GPM6A: variants seen among roughly 807,000 people sequenced by gnomAD.
GPM6A encodes glycoprotein M6A.
GPM6A carries 7 observed loss-of-function variants against 32.1 expected under a neutral mutation model. The observed-to-expected ratio is 0.22, with a 90% CI of 0.12 to 0.41. The LOEUF (loss-of-function observed/expected upper bound fraction) is 0.41. Ranked by LOEUF, GPM6A falls within the 10% of genes least tolerant of loss-of-function variation. GPM6A has a pLI of 1.00. For synonymous variants in GPM6A, 130 were observed against 123.4 expected (o/e 1.05, Z -0.35); for missense variants, 235 against 347.2 (o/e 0.68, Z 2.57).
chr4:175,718,640 C>T (rs1318183118), intron 1 of GPM6A, among the ~76,000 whole-genome samples: 1 of 151,422 alleles, frequency 6.6e-6, no homozygotes, highest in African/African-American at 2.4e-5. Flanking sequence ...GAAATATTTA[C>T]ATTACTACAA....
chr4:175,667,554 G>T (rs1205520978), intron 3 of GPM6A, among the ~76,000 whole-genome samples: 1 of 152,028 alleles, frequency 6.6e-6, no homozygotes, highest in Non-Finnish European at 1.5e-5. Flanking sequence ...AAGAAGCATG[G>T]ACTTTTAGTT....
At chr4:175,877,581 T>G (rs1398950595) in intron 1 of GPM6A, among the ~76,000 whole-genome samples, 1 of 152,138 alleles carries the variant, frequency 6.6e-6, no homozygotes, top group Non-Finnish European at 1.5e-5. Context: ...AACCATCAAA[T>G]GTTGTGAGAA....
intron 1 of GPM6A, among the ~76,000 whole-genome samples, chr4:175,709,727 CAA>C (rs559363193): frequency 2.5e-3 from 170 of 68,546 alleles, no homozygotes; most frequent in African/African-American, 5.7e-3. Flanking sequence ...GACTCCATCT[CAA>C]AAAAAAAAAA....
intron 1 of GPM6A, among the ~76,000 whole-genome samples, chr4:175,847,082 G>T (rs1736114320): frequency 6.6e-6 from 1 of 152,204 alleles, no homozygotes; most frequent in South Asian, 2.1e-4. Context: ...AAGTTACCAA[G>T]CCAAAAAAGT....
chr4:175,987,524 T>TTG (rs141045074), intron 1 of GPM6A, among the ~76,000 whole-genome samples: 29,648 of 148,168 alleles, frequency 0.2, 3,534 homozygotes, highest in African/African-American at 0.35. Flanking sequence ...TAAAGTGTGT[T>TTG]TGTGTGTGTG....
intron 1 of GPM6A, among the ~76,000 whole-genome samples, chr4:175,824,726 T>C (rs957608463): frequency 1.3e-5 from 2 of 152,164 alleles, no homozygotes; most frequent in Non-Finnish European, 2.9e-5. Context: ...TAACAAATAT[T>C]TGTGTGGTAT....
At chr4:175,763,734 G>A (rs1397254556) in intron 1 of GPM6A, among the ~76,000 whole-genome samples, 2 of 151,700 alleles carry the variant, frequency 1.3e-5, no homozygotes, top group African/African-American at 4.8e-5. Flanking sequence ...TCAGAAAACA[G>A]GCTTTTTTAA....
rs141535360 is a variant in GPM6A, at chr4:175,729,805, A to G, written c.38-28038T>C. On this transcript the variant is annotated intron_variant, in intron 1 of 6. Transcript: ENST00000393658. The stretch of plus-strand genomic sequence containing the variant: ...TATAATATATTATCTATTATATTAT[A>G]TTATATATTAATATATGTATTTAAT... Among the ~76,000 whole-genome samples the G allele has an allele frequency of 6.2e-3, 910 of 147,010 alleles. 7 individuals are homozygous for G. The highest frequency in any genetic ancestry group is 0.022 in the Middle Eastern group (6 of 278).
intron 1 of GPM6A, among the ~76,000 whole-genome samples, chr4:175,763,749 A>G (rs188826332): frequency 3.3e-5 from 5 of 152,190 alleles, no homozygotes; most frequent in Admixed American, 2.0e-4. Context: ...TTTTAAAAAA[A>G]CAGTCTTCTA....
At chr4:175,643,124 A>G (rs1241767134) in intron 4 of GPM6A, among the ~76,000 whole-genome samples, 3 of 152,182 alleles carry the variant, frequency 2.0e-5, no homozygotes, top group Middle Eastern at 3.4e-3. Context: ...CTCCCTTGCC[A>G]TCTCCTCATC....
chr4:175,821,957 C>A (rs1021390601), intron 1 of GPM6A, among the ~76,000 whole-genome samples: 1 of 151,924 alleles, frequency 6.6e-6, no homozygotes, highest in African/African-American at 2.4e-5. Flanking sequence ...CTAGGGTCCC[C>A]AACACAGTGT....
At chr4:175,988,986 C>A (rs1476477391) in intron 1 of GPM6A, among the ~76,000 whole-genome samples, 2 of 152,114 alleles carry the variant, frequency 1.3e-5, no homozygotes, top group African/African-American at 4.8e-5. Context: ...TTGAGCAGAG[C>A]AAACAGCTAC....
chr4:175,725,948 T>C (rs1021021324), intron 1 of GPM6A, among the ~76,000 whole-genome samples: 13 of 151,930 alleles, frequency 8.6e-5, no homozygotes, highest in Admixed American at 8.5e-4. Flanking sequence ...CATATCAAAT[T>C]TATTTTCATG....
At chr4:175,675,224 T>A (rs1171134236) in intron 2 of GPM6A, among the ~76,000 whole-genome samples, 1 of 150,626 alleles carries the variant, frequency 6.6e-6, no homozygotes, top group Non-Finnish European at 1.5e-5. Flanking sequence ...CCATTAGGAT[T>A]TATTTATTTT....
At chr4:175,931,709 C>CACACATATATATATATAT (rs1324269132) in intron 1 of GPM6A, among the ~76,000 whole-genome samples, 18 of 129,332 alleles carry the variant, frequency 1.4e-4, no homozygotes, top group African/African-American at 5.2e-4. Context: ...CACACACACA[C>CACACATATATATATATAT]ATATATATAT....
chr4:175,642,806 C>T (rs537065947), intron 4 of GPM6A, among the ~76,000 whole-genome samples: 2 of 152,242 alleles, frequency 1.3e-5, no homozygotes, highest in East Asian at 3.9e-4. Flanking sequence ...ATCTATGTGG[C>T]CATCCCATAT....
At chr4:175,931,056 A>G (rs1739022801) in intron 1 of GPM6A, among the ~76,000 whole-genome samples, 1 of 152,158 alleles carries the variant, frequency 6.6e-6, no homozygotes, top group Admixed American at 6.5e-5. Context: ...GATATTAATA[A>G]TCACAGTGTC....
At position 175,876,878 on chromosome 4, in the gene GPM6A, G is replaced by A. The variant is rs566264317; in HGVS notation, c.-22-64629C>T. 3.3e-5 allele frequency among the ~76,000 whole-genome samples: 5 copies of A among 152,160 alleles called. No individual in the cohort carries two copies. In the East Asian group the frequency reaches 7.7e-4, roughly 23 times the overall value. ...TGTATTGAGGCTAGAAAACACAAAG[G>A]CCAGAAACAACAAGATTATAGCTAA... is the stretch of plus-strand genomic sequence containing the variant. On this transcript the variant is annotated intron_variant, in intron 1 of 7. Transcript: ENST00000280187.
rs550353723 is a variant in GPM6A at position 175,775,168 on chromosome 4, T to C, written c.37+37023A>G. Among the ~76,000 whole-genome samples the C allele has an allele frequency of 9.2e-5, 14 of 152,242 alleles. No homozygotes were observed. The South Asian group carries it at 1.9e-3, about 20-fold the overall frequency. ...TGCTCTAGAACACTGCAAGGCTATA[T>C]AGAAGAAGCATCTCCAAAATGTTTG... On this transcript the variant is annotated intron_variant, in intron 1 of 6. Transcript: ENST00000393658.
Sources: allele counts gnomAD v4.1 joint callset (sites outside exome capture counted in the v4.1 genomes callset), GRCh38; gene constraint gnomAD v4.1.1; transcripts MANE v1.5; gene names NCBI Gene and HGNC (gene_info 2026-07-23, HGNC 2026-07-21).